TBC1D16: variants seen among roughly 807,000 people sequenced by gnomAD.
TBC1D16 encodes the protein CTD-2529O21.1.
Under a neutral mutation model 74.7 loss-of-function variants are expected in TBC1D16, and 58 were observed. The observed-to-expected ratio is 0.78, with a 90% CI of 0.63 to 0.97. The LOEUF is 0.97. Among genes scored for constraint, TBC1D16 ranks in the 50% least tolerant of loss-of-function variants. The pLI, the probability that TBC1D16 is intolerant of heterozygous loss-of-function variation, is 0.00. For synonymous variants in TBC1D16, 493 were observed against 474.7 expected (o/e 1.04, Z -0.50); for missense variants, 1,014 against 1,079.5 (o/e 0.94, Z 0.85).
chr17:79,999,533 CTT>C (rs71163906), intron 3 of TBC1D16, among the ~76,000 whole-genome samples: 9 of 76,474 alleles, frequency 1.2e-4, no homozygotes, highest in South Asian at 1.0e-3. Flanking sequence ...CCCCAAATTT[CTT>C]TTTTTTTTTT....
At chr17:79,970,598 G>A (rs62076650) in intron 3 of TBC1D16, among the ~76,000 whole-genome samples, 1 of 152,174 alleles carries the variant, frequency 6.6e-6, no homozygotes, top group Admixed American at 6.5e-5. Context: ...GTTGCCACCT[G>A]TGTAGAGCTT....
At position 80,007,699 on chromosome 17, in the gene TBC1D16, G is replaced by C. The variant is rs1372762021; in HGVS notation, c.779+2461C>G. Reference sequence around the variant, plus strand: ...ACATATAAGCTGGCCGGTTAGGAGAGAGGGGAAGGAGGAAGCCTAGGTAGA... The same window carrying C: ...ACATATAAGCTGGCCGGTTAGGAGACAGGGGAAGGAGGAAGCCTAGGTAGA... On this transcript the variant is annotated intron_variant, in intron 3 of 11. Transcript: ENST00000310924. The surrounding 1 kb of genome is among the most constrained non-coding windows in gnomAD (Gnocchi z 4.5). 6.6e-6 allele frequency among the ~76,000 whole-genome samples: 1 copy of C among 152,220 alleles called. No homozygotes were observed. The highest frequency in any genetic ancestry group is 1.5e-5 in the Non-Finnish European group (1 of 68,034).
intron 3 of TBC1D16, among the ~76,000 whole-genome samples, chr17:79,984,360 T>C (rs577186231): frequency 6.6e-6 from 1 of 152,284 alleles, no homozygotes; most frequent in South Asian, 2.1e-4. Flanking sequence ...ACAGCCTGCC[T>C]GTCTACAACT....
At chr17:79,949,677 G>A (rs1228321296) in intron 7 of TBC1D16, 40 bp downstream of exon 7, 2 of 1,581,204 alleles carry the variant, frequency 1.3e-6, no homozygotes, top group Non-Finnish European at 1.7e-6. Context: ...ATTTTCCTCC[G>A]CGGCTCGGCG....
chr17:79,978,326 G>A (rs1455233754), intron 3 of TBC1D16, among the ~76,000 whole-genome samples: 2 of 152,236 alleles, frequency 1.3e-5, no homozygotes, highest in Non-Finnish European at 2.9e-5. Flanking sequence ...GCAACATCAC[G>A]GCTAATTAGG....
In TBC1D16 at chr17:79,945,648, C is replaced by T. The variant is rs1023813161; in HGVS notation, c.1729-561G>A. Reference sequence around the variant, plus strand: ...TCTGGCAGCACTCGGGCCCAGGCCGCTGACTTCATCAATGCCGCTGGAAAA... The same window carrying T: ...TCTGGCAGCACTCGGGCCCAGGCCGTTGACTTCATCAATGCCGCTGGAAAA... On this transcript the variant is annotated intron_variant, in intron 9 of 11. Coordinates refer to ENST00000310924, the MANE Select transcript of TBC1D16 (RefSeq NM_019020.4). Among the ~76,000 whole-genome samples, 6 of 152,360 alleles carry T rather than the reference C, an allele frequency of 3.9e-5. No individual in the cohort carries two copies. In the East Asian group the frequency reaches 1.2e-3, roughly 29 times the overall value.
chr17:80,011,284 C>T (rs1226279348), intron 2 of TBC1D16, among the ~76,000 whole-genome samples: 23 of 150,898 alleles, frequency 1.5e-4, no homozygotes, highest in Admixed American at 1.5e-3. Flanking sequence ...TGAGCTCAAG[C>T]GAACCGCCCA....
chr17:80,011,180 A>G (rs2035876382), intron 2 of TBC1D16, among the ~76,000 whole-genome samples: 2 of 149,704 alleles, frequency 1.3e-5, no homozygotes, highest in South Asian at 4.2e-4. Flanking sequence ...AGCTGGGACT[A>G]CAGGTGCACA....
intron 1 of TBC1D16, among the ~76,000 whole-genome samples, chr17:80,030,679 C>T (rs981996954): frequency 6.6e-6 from 1 of 152,254 alleles, no homozygotes; most frequent in African/African-American, 2.4e-5. Flanking sequence ...GTCAGCAGGA[C>T]AGACCTGGTC....
intron 9 of TBC1D16, among the ~76,000 whole-genome samples, chr17:79,945,954 G>T (rs1278763450): frequency 6.6e-6 from 1 of 152,220 alleles, no homozygotes; most frequent in East Asian, 1.9e-4. Context: ...GAAGCTGTGC[G>T]GCCAGCCCTC....
At position 80,035,855 on chromosome 17, in the gene TBC1D16, G is replaced by T. The variant is rs2036989756; in HGVS notation, c.-123C>A. 1 of 146,140 alleles carries T rather than the reference G, an allele frequency of 6.8e-6. No homozygotes were observed. The highest frequency in any genetic ancestry group is 1.5e-5 in the Non-Finnish European group (1 of 65,720). 9.1% of individuals were successfully genotyped at this position (146,140 alleles called of 1,614,324 possible). ...TCCGAGAGCCGCCACCGTCGCCTCC[G>T]CCGCTGCCGCCGCCAGTGAGGCGCG... is the stretch of plus-strand genomic sequence containing the variant. On this transcript the variant is annotated 5_prime_UTR_variant, in exon 1 of 12. Coordinates refer to ENST00000310924, the MANE Select transcript of TBC1D16 (RefSeq NM_019020.4). This position sits in a 1 kb window ranked among gnomAD's most constrained non-coding sequence, Gnocchi z 5.3.
Position 80,001,211 on chromosome 17 carries a change from G to A in TBC1D16, c.779+8949C>T, listed in dbSNP as rs1304640162. On this transcript the variant is annotated intron_variant, in intron 3 of 11. Transcript: ENST00000310924. The surrounding 1 kb of genome is among the most constrained non-coding windows in gnomAD (Gnocchi z 5.8). ...CAGCTTCCCTCAGACCCCTGGCATCGGCCACTCTCTGGGTGCAGGCGGAGC... is the reference window on the plus strand; with the variant it reads ...CAGCTTCCCTCAGACCCCTGGCATCAGCCACTCTCTGGGTGCAGGCGGAGC... Among the ~76,000 whole-genome samples the A allele has an allele frequency of 4.6e-5, 7 of 152,282 alleles. No individual in the cohort carries two copies. The highest frequency in any genetic ancestry group is 2.1e-4 in the South Asian group (1 of 4,818).
In TBC1D16 at chr17:79,985,215, C is replaced by T. The variant is rs1238758549; in HGVS notation, c.779+24945G>A. Among the ~76,000 whole-genome samples, 2 of 152,142 alleles carry T rather than the reference C, an allele frequency of 1.3e-5. No homozygotes were observed. Among genetic ancestry groups the T allele is most frequent in the Non-Finnish European group, 1.5e-5 (1 of 68,028 alleles). Reference sequence around the variant, plus strand: ...CCCATCTCTGCCTCCATCTCCCTGCCCCTCCTGTGTCTGTGTGTCCGTCCG... The same window carrying T: ...CCCATCTCTGCCTCCATCTCCCTGCTCCTCCTGTGTCTGTGTGTCCGTCCG... On this transcript the variant is annotated intron_variant, in intron 3 of 11. Transcript: ENST00000310924. The surrounding 1 kb of genome is among the most constrained non-coding windows in gnomAD (Gnocchi z 4.9).
rs1346498120 is a variant in TBC1D16, at chr17:79,986,058, A to G, written c.779+24102T>C. Among the ~76,000 whole-genome samples the G allele has an allele frequency of 6.6e-6, 1 of 152,258 alleles. No individual in the cohort carries two copies. The highest frequency in any genetic ancestry group is 2.4e-5 in the African/African-American group (1 of 41,468). On this transcript the variant is annotated intron_variant, in intron 3 of 11. Coordinates refer to ENST00000310924, the MANE Select transcript of TBC1D16 (RefSeq NM_019020.4). This position sits in a 1 kb window ranked among gnomAD's most constrained non-coding sequence, Gnocchi z 6.0. ...GTGTCTGCTTTGAAAGGTCCTGACT[A>G]GAATCTGTTTATATTTTGACTGCAC...
At chr17:80,029,418 T>A (rs1598453278) in intron 1 of TBC1D16, among the ~76,000 whole-genome samples, 1 of 151,916 alleles carries the variant, frequency 6.6e-6, no homozygotes. Flanking sequence ...TAACCACACA[T>A]GTTCCCTTCC....
In TBC1D16 at chr17:80,001,818, C is replaced by T. The variant is rs1598410447; in HGVS notation, c.779+8342G>A. On this transcript the variant is annotated intron_variant, in intron 3 of 11. Coordinates refer to ENST00000310924, the MANE Select transcript of TBC1D16 (RefSeq NM_019020.4). This position sits in a 1 kb window ranked among gnomAD's most constrained non-coding sequence, Gnocchi z 5.8. ...GCCCCCTTCCCTGCTGTCTCTTGCC[C>T]TGGACCCTCTCACATGCCCTTCCCT... 6.6e-6 allele frequency among the ~76,000 whole-genome samples: 1 copy of T among 151,556 alleles called. No homozygotes were observed.
rs554277135 is a variant in TBC1D16, at chr17:79,985,184, A to G, written c.779+24976T>C. ...TGGAAGCCCCCAAGCCTGCAGCAGCATCACTCCCATCTCTGCCTCCATCTC... is the reference window on the plus strand; with the variant it reads ...TGGAAGCCCCCAAGCCTGCAGCAGCGTCACTCCCATCTCTGCCTCCATCTC... On this transcript the variant is annotated intron_variant, in intron 3 of 11. Transcript: ENST00000310924. The surrounding 1 kb of genome is among the most constrained non-coding windows in gnomAD (Gnocchi z 4.9). Among the ~76,000 whole-genome samples the G allele has an allele frequency of 2.0e-5, 3 of 152,148 alleles. No homozygotes were observed. Among genetic ancestry groups the G allele is most frequent in the South Asian group, 2.1e-4 (1 of 4,808 alleles).
rs1338419655 is a variant in TBC1D16 at position 80,010,281 on chromosome 17, C to T, written c.658G>A (p.Val220Met). The T allele has an allele frequency of 1.1e-5, 18 of 1,613,092 alleles. No homozygotes were observed. The highest frequency in any genetic ancestry group is 3.3e-5 in the Admixed American group (2 of 59,930). ...DGSLELSAEG[V>M]SRDSSFDSDS... ...GAGTCAAAGGAGCTGTCTCTGCTCA[C>T]GCCCTCGGCTGACAGTTCCAAAGAG... The change falls in exon 3 of 12, where the codon GTG becomes ATG. Residue 220 changes from valine (V) to methionine (M), a missense_variant. Physicochemically the swap from Val to Met is conservative, Grantham distance 21. Coordinates refer to ENST00000310924, the MANE Select transcript of TBC1D16 (RefSeq NM_019020.4). This position sits in a 1 kb window ranked among gnomAD's most constrained non-coding sequence, Gnocchi z 8.8.
intron 3 of TBC1D16, among the ~76,000 whole-genome samples, chr17:79,984,495 G>A (rs1407775693): frequency 2.0e-5 from 3 of 151,232 alleles, no homozygotes; most frequent in Non-Finnish European, 4.4e-5. Flanking sequence ...CCCTTCTTTT[G>A]TCTTTTCCCT....
Sources: allele counts gnomAD v4.1 joint callset (sites outside exome capture counted in the v4.1 genomes callset), GRCh38; gene constraint gnomAD v4.1.1; non-coding constraint Gnocchi (gnomAD v3.1); transcripts MANE v1.5; gene names NCBI Gene and HGNC (gene_info 2026-07-23, HGNC 2026-07-21).